NFKB1: variants seen among roughly 807,000 people sequenced by gnomAD.
NFKB1 encodes the protein nuclear factor kappa B subunit 1.
Under a neutral mutation model 105.1 loss-of-function variants are expected in NFKB1, and 9 were observed. The observed-to-expected ratio is 0.09, with a 90% CI of 0.05 to 0.15. The LOEUF (loss-of-function observed/expected upper bound fraction) is 0.15. Ranked by LOEUF, NFKB1 falls within the 10% of genes least tolerant of loss-of-function variation. The pLI is 1.00. For missense variants in NFKB1, 830 were observed against 1,203.7 expected (o/e 0.69, Z 4.59); for synonymous variants, 440 against 442.2 (o/e 1.00, Z 0.06).
At chr4:102,605,856 A>G (rs1014866996) in intron 16 of NFKB1, among the ~76,000 whole-genome samples, 1 of 152,322 alleles carries the variant, frequency 6.6e-6, no homozygotes, top group Admixed American at 6.5e-5. Flanking sequence ...GTATTTTTTA[A>G]TTTAGTAAAT....
chr4:102,607,403 G>T, intron 18 of NFKB1, 84 bp downstream of exon 18: 1 of 1,435,778 alleles, frequency 7.0e-7, no homozygotes, highest in African/African-American at 1.4e-5. Context: ...GTCAGTAGCT[G>T]CTGTTCTCCC....
intron 1 of NFKB1, among the ~76,000 whole-genome samples, chr4:102,513,291 T>A (rs1157606842): frequency 6.6e-6 from 1 of 152,248 alleles, no homozygotes; most frequent in East Asian, 1.9e-4. Context: ...TTATAACATT[T>A]AAGGTTTTAT....
rs779199620 is a variant in NFKB1, at chr4:102,596,144, T to C, written c.1307T>C (p.Met436Thr). The C allele has an allele frequency of 5.9e-5, 94 of 1,589,622 alleles. No individual in the cohort carries two copies. The highest frequency in any genetic ancestry group is 7.7e-5 in the Non-Finnish European group (90 of 1,165,344). The change falls in exon 14 of 24, where the codon ATG becomes ACG. Residue 436 changes from methionine (M) to threonine (T), a missense_variant. Met to Thr is a moderately conservative substitution (Grantham distance 81). This residue lies in a region of NFKB1 where 163 missense variants were observed against 164.3 expected (regional missense o/e 0.99). Transcript: ENST00000226574. Reference protein sequence around the residue: ...KSNAGMKHGTMDTESKKDPEG... With the variant: ...KSNAGMKHGTTDTESKKDPEG... ...GTTTTTGCATTTATCTTAGGAACCA[T>C]GGACACTGAATCTAAAAAGGACCCT... is the stretch of plus-strand genomic sequence containing the variant.
Position 102,601,014 on chromosome 4 carries a change from G to A in NFKB1, c.1752+5G>A. 1 of 1,518,368 alleles carries A rather than the reference G, an allele frequency of 6.6e-7. No individual in the cohort carries two copies. Among genetic ancestry groups the A allele is most frequent in the Non-Finnish European group, 9.0e-7 (1 of 1,105,706 alleles). The allele number at this position is 1,518,368 out of a possible 1,614,324, so 94.1% of individuals were successfully genotyped here. A position where few individuals can be genotyped will look rare whatever the true frequency, so the allele number is the denominator to read the frequency against. On this transcript the variant is annotated splice_donor_5th_base_variant and intron_variant, in intron 16 of 23. Coordinates refer to ENST00000226574, the MANE Select transcript of NFKB1 (RefSeq NM_003998.4). ...ATGAGAAATGATCTGTACCAGGTAA[G>A]CAGAAATCTCAAGAAAACAACTGAA...
intron 5 of NFKB1, among the ~76,000 whole-genome samples, chr4:102,545,990 C>T (rs767015222): frequency 6.6e-5 from 10 of 152,106 alleles, no homozygotes; most frequent in Admixed American, 3.3e-4. Flanking sequence ...TAGTGGCTCA[C>T]GCCTATAATC....
At chr4:102,510,771 A>G (rs1416417010) in intron 1 of NFKB1, 2 of 209,706 alleles carry the variant, frequency 9.5e-6, no homozygotes, top group East Asian at 2.9e-4. Context: ...AAAGTTTAAT[A>G]TTTAAATGCT....
At chr4:102,577,084 T>A in intron 7 of NFKB1, 45 bp downstream of exon 7, 1 of 1,574,608 alleles carries the variant, frequency 6.4e-7, no homozygotes, top group Non-Finnish European at 8.6e-7. Context: ...GGGTCCAGGC[T>A]TTGGTTTTCA....
intron 6 of NFKB1, among the ~76,000 whole-genome samples, chr4:102,571,219 A>G (rs1724322243): frequency 6.6e-6 from 1 of 152,254 alleles, no homozygotes; most frequent in African/African-American, 2.4e-5. Flanking sequence ...ACCTGACAAA[A>G]ACAAGAAATG....
Position 102,610,560 on chromosome 4 carries a change from A to G in NFKB1, c.2228-15A>G. 6.2e-7 allele frequency: 1 copy of G among 1,613,494 alleles called. No individual in the cohort carries two copies. Among genetic ancestry groups the G allele is most frequent in the Non-Finnish European group, 8.5e-7 (1 of 1,179,566 alleles). ...GATCTGGGTTTACCTAATGCTGTGT[A>G]ATCTAACTTCGCAGGAGCAGATCCC... On this transcript the variant is annotated splice_polypyrimidine_tract_variant and intron_variant, in intron 19 of 23. Transcript: ENST00000226574.
chr4:102,568,140 A>G (rs905463866), intron 6 of NFKB1, among the ~76,000 whole-genome samples: 178 of 152,294 alleles, frequency 1.2e-3, no homozygotes, highest in Non-Finnish European at 2.0e-3. Flanking sequence ...TTGAATTCCG[A>G]TCAAGTTTCA....
intron 6 of NFKB1, among the ~76,000 whole-genome samples, chr4:102,572,525 G>C (rs1170850173): frequency 6.6e-6 from 1 of 152,048 alleles, no homozygotes; most frequent in Non-Finnish European, 1.5e-5. Flanking sequence ...AAAAGAAAAA[G>C]CACCACACTG....
intron 6 of NFKB1, among the ~76,000 whole-genome samples, chr4:102,573,198 C>T (rs1037722283): frequency 6.6e-6 from 1 of 152,076 alleles, no homozygotes; most frequent in African/African-American, 2.4e-5. Context: ...ATCCCAGCTA[C>T]TCGAGAGGCC....
intron 5 of NFKB1, among the ~76,000 whole-genome samples, chr4:102,560,937 G>T (rs992182538): frequency 3.3e-5 from 5 of 152,182 alleles, no homozygotes. Context: ...GGCCCATTGT[G>T]TAGATGTAGA....
At chr4:102,564,304 A>G (rs1162290748) in intron 5 of NFKB1, among the ~76,000 whole-genome samples, 1 of 152,244 alleles carries the variant, frequency 6.6e-6, no homozygotes, top group African/African-American at 2.4e-5. Context: ...GATTGCAAAC[A>G]GTTCTCCGTC....
In NFKB1 at chr4:102,578,897, A is replaced by T; in HGVS notation, c.588A>T (p.Leu196=). The T allele has an allele frequency of 6.2e-7, 1 of 1,614,048 alleles. No homozygotes were observed. Among genetic ancestry groups the T allele is most frequent in the East Asian group, 2.2e-5 (1 of 44,868 alleles). ...TGGCCCTAGATCGGGAAAAAGAGCT[A>T]ATCCGCCAAGCAGCTCTGCAGCAGA... ...DRQLGDREKE[L]IRQAALQQTK... Residue 196 remains leucine (L), a synonymous_variant, in exon 8 of 24, where the codon CTA becomes CTT. Transcript: ENST00000226574.
intron 5 of NFKB1, among the ~76,000 whole-genome samples, chr4:102,551,378 A>ACG (rs1491411011): frequency 3.2e-5 from 3 of 94,600 alleles, no homozygotes; most frequent in African/African-American, 8.0e-5. Context: ...GCGCGCGCGC[A>ACG]TGTGTGTGTG....
chr4:102,501,887 C>T (rs1476734145), intron 1 of NFKB1, 99 bp downstream of exon 1: 1 of 152,568 alleles, frequency 6.6e-6, no homozygotes, highest in Non-Finnish European at 1.5e-5. Flanking sequence ...CTCGGACTTC[C>T]TCATTCCTGC....
chr4:102,525,606 T>C (rs563561751), intron 2 of NFKB1, 49 bp downstream of exon 2: 25 of 1,507,738 alleles, frequency 1.7e-5, no homozygotes, highest in Non-Finnish European at 2.1e-5. Flanking sequence ...TATTCATATT[T>C]CAAAAATATG....
chr4:102,510,998 G>A (rs1739741242), intron 1 of NFKB1: 1 of 1,260,678 alleles, frequency 7.9e-7, no homozygotes, highest in Non-Finnish European at 1.0e-6. Flanking sequence ...TTAAAAAGCA[G>A]GATTGGAGAT....
Sources: gnomAD v4.1 joint callset for allele counts (sites outside exome capture counted in the v4.1 genomes callset) on GRCh38, gnomAD v4.1.1 for gene constraint, gnomAD v4.1.1 regional missense constraint, MANE v1.5 for transcripts, NCBI Gene and HGNC (gene_info 2026-07-23, HGNC 2026-07-21) for gene names.